Variants in SMARCA4 observed in about 807,000 individuals in gnomAD.
The protein encoded by SMARCA4 is SWI/SNF related BAF chromatin remodeling complex subunit ATPase 4.
A neutral mutation model predicts 193.9 loss-of-function variants in SMARCA4; 31 were observed. The ratio of observed to expected loss-of-function variants is 0.16; its 90% CI spans 0.12 to 0.22. The LOEUF is 0.22. Among genes scored for constraint, SMARCA4 ranks in the 10% least tolerant of loss-of-function variants. The probability of loss-of-function intolerance (pLI) is 1.00; values close to 1 mark genes in which losing one functional copy is unlikely to be tolerated. For synonymous variants in SMARCA4, 942 were observed against 933.1 expected (o/e 1.01, Z -0.17); for missense variants, 1,148 against 2,296.0 (o/e 0.50, Z 10.22).
At chr19:11,026,404 C>T (rs376220226) in intron 23 of SMARCA4, 58 bp downstream of exon 23, 13 of 1,368,768 alleles carry the variant, frequency 9.5e-6, no homozygotes, top group Non-Finnish European at 1.1e-5. Context: ...GGTTTTCTGT[C>T]GTTTTGTTGG....
intron 29 of SMARCA4, among the ~76,000 whole-genome samples, chr19:11,036,245 C>T (rs1007362346): frequency 1.3e-5 from 2 of 152,224 alleles, no homozygotes; most frequent in Admixed American, 1.3e-4. Flanking sequence ...ACCTGTGTGA[C>T]AGCAGAGCTG....
At chr19:10,962,444 A>C (rs1215525252) in intron 1 of SMARCA4, among the ~76,000 whole-genome samples, 1 of 152,084 alleles carries the variant, frequency 6.6e-6, no homozygotes, top group Non-Finnish European at 1.5e-5. Flanking sequence ...CTGAACCTGC[A>C]CTGTGAGAGG....
At chr19:11,053,384 G>A (rs988146256) in intron 30 of SMARCA4, among the ~76,000 whole-genome samples, 3 of 151,332 alleles carry the variant, frequency 2.0e-5, no homozygotes, top group Admixed American at 6.6e-5. Flanking sequence ...CTCGGGAGGC[G>A]GAGGTTTCAG....
chr19:11,060,120 G>A lies in SMARCA4; in HGVS notation c.4844G>A (p.Arg1615Gln), dbSNP rs1278313953. Residue 1615 changes from arginine (R) to glutamine (Q), a missense_variant, in exon 34 of 35, where the codon CGG becomes CAG. Physicochemically the swap from Arg to Gln is conservative, Grantham distance 43. Around this residue, in one of 17 missense-constraint regions of SMARCA4, gnomAD observed 105 missense variants for 133.7 expected, o/e 0.79. Coordinates refer to ENST00000344626, the MANE Select transcript of SMARCA4 (RefSeq NM_003072.5). ...GACCGGCTGAAGGGCGGCCGGCGGC[G>A]GCCGAGCCGAGGGTCCCGAGCCAAG... The part of the protein sequence containing the change: ...AQDRLKGGRR[R>Q]PSRGSRAKPV... 5 of 1,550,894 alleles carry A rather than the reference G, an allele frequency of 3.2e-6. No homozygotes were observed. The East Asian group carries it at 7.3e-5, about 23-fold the overall frequency.
In SMARCA4 at chr19:10,961,035, C is replaced by T. The variant is rs2083753455; in HGVS notation, c.-171C>T. The T allele has an allele frequency of 6.7e-6, 1 of 149,308 alleles. No individual in the cohort carries two copies. The highest frequency in any genetic ancestry group is 1.5e-5 in the Non-Finnish European group (1 of 66,724). 9.2% of individuals were successfully genotyped at this position (149,308 alleles called of 1,614,324 possible). A position where few individuals can be genotyped will look rare whatever the true frequency, so the allele number is the denominator to read the frequency against. On this transcript the variant is annotated 5_prime_UTR_variant, in exon 1 of 35. Transcript: ENST00000344626. ...GGGCGGTGGCCGAGGCGGGCGGGCG[C>T]GCGCGCGAGGCTTCCCCTCGTTTGG...
intron 1 of SMARCA4, among the ~76,000 whole-genome samples, chr19:10,979,608 C>A (rs945096164): frequency 4.6e-4 from 69 of 151,606 alleles, no homozygotes; most frequent in African/African-American, 1.6e-3. Flanking sequence ...CTCAAGCGAT[C>A]CTTCTGCCTT....
chr19:11,024,449 GA>G lies in SMARCA4; in HGVS notation c.3081+12del, dbSNP rs1193265789. On this transcript the variant is annotated intron_variant, in intron 21 of 34. Transcript: ENST00000344626. ...GAGAAGGACAAGAAGGTGGGCCCCA[GA>G]GTCCCCCAACTGCATTCCCCACTGG... 2.5e-6 allele frequency: 4 copies of G among 1,583,806 alleles called. No individual in the cohort carries two copies. The South Asian group carries it at 4.4e-5, about 17-fold the overall frequency.
chr19:11,045,032 G>T (rs946230786), intron 30 of SMARCA4, among the ~76,000 whole-genome samples: 2 of 152,176 alleles, frequency 1.3e-5, no homozygotes, highest in African/African-American at 2.4e-5. Flanking sequence ...ACTAAAAAGG[G>T]CATACTGGCC....
At position 11,001,670 on chromosome 19, in the gene SMARCA4, G is replaced by A. The variant is rs573978645; in HGVS notation, c.1813-1359G>A. Among the ~76,000 whole-genome samples the A allele has an allele frequency of 3.9e-5, 6 of 152,276 alleles. No individual in the cohort carries two copies. The East Asian group carries it at 7.7e-4, about 20-fold the overall frequency. On this transcript the variant is annotated intron_variant, in intron 11 of 34. Transcript: ENST00000344626. ...GTAAGAGGTTGCTCTTATGGTGGCC[G>A]CTCTGTGGGTGAGCTTTTAGCGCGT...
chr19:10,978,682 G>A (rs1273693576), intron 1 of SMARCA4, among the ~76,000 whole-genome samples: 6 of 148,142 alleles, frequency 4.1e-5, no homozygotes, highest in African/African-American at 7.4e-5. Context: ...GCTCGTGCCT[G>A]TAATCCCAGC....
intron 29 of SMARCA4, among the ~76,000 whole-genome samples, chr19:11,039,251 G>T (rs1471345305): frequency 6.6e-6 from 1 of 152,170 alleles, no homozygotes; most frequent in Non-Finnish European, 1.5e-5. Flanking sequence ...CTACTTGGGA[G>T]GCTGAGTCAG....
chr19:11,054,249 C>G (rs1330349006), intron 30 of SMARCA4, among the ~76,000 whole-genome samples: 2 of 152,244 alleles, frequency 1.3e-5, no homozygotes, highest in African/African-American at 2.4e-5. Flanking sequence ...CAGACACTTG[C>G]TTCCTGGTGT....
At position 10,997,447 on chromosome 19, in the gene SMARCA4, TC is replaced by T. The variant is rs149065722; in HGVS notation, c.1812+906del. ...TCTCCTGACCTCGTGAACATCGGCC[TC>T]CCAAAATGCTGGGATTACAGGCTTG... is the stretch of plus-strand genomic sequence containing the variant. On this transcript the variant is annotated intron_variant, in intron 11 of 34. Coordinates refer to ENST00000344626, the MANE Select transcript of SMARCA4 (RefSeq NM_003072.5). Among the ~76,000 whole-genome samples, 4,635 of 152,134 alleles carry T rather than the reference TC, an allele frequency of 0.03. 314 individuals carry two copies. The East Asian group carries it at 0.31, about 10-fold the overall frequency.
intron 1 of SMARCA4, among the ~76,000 whole-genome samples, chr19:10,967,726 C>T (rs1277663945): frequency 6.7e-6 from 1 of 149,050 alleles, no homozygotes; most frequent in Non-Finnish European, 1.5e-5. Context: ...CTCTTTTCTC[C>T]CAGGCTGGAG....
chr19:11,035,178 C>T (rs2146706937), intron 29 of SMARCA4, 46 bp downstream of exon 29: 1 of 1,557,034 alleles, frequency 6.4e-7, no homozygotes, highest in South Asian at 1.2e-5. Context: ...CAGCGCCAGG[C>T]AGGGCTGGGG....
chr19:10,996,147 G>T, intron 9 of SMARCA4, 66 bp from the exon 10 acceptor site: 1 of 1,556,312 alleles, frequency 6.4e-7, no homozygotes, highest in Non-Finnish European at 8.9e-7. Context: ...TGGATTGACT[G>T]GCCATGGGTG....
At position 11,061,817 on chromosome 19, in the gene SMARCA4, G is replaced by A. The variant is rs76118382; in HGVS notation, c.*1G>A. 6 of 1,614,008 alleles carry A rather than the reference G, an allele frequency of 3.7e-6. No individual in the cohort carries two copies. Among genetic ancestry groups the A allele is most frequent in the Non-Finnish European group, 5.1e-6 (6 of 1,179,970 alleles). On this transcript the variant is annotated 3_prime_UTR_variant, in exon 35 of 35. Transcript: ENST00000344626. ...AGGAAGTGGCAGCGAAGAAGACTGA[G>A]CCCCGACATTCCAGTCTCGACCCCG...
intron 30 of SMARCA4, among the ~76,000 whole-genome samples, chr19:11,052,717 G>A (rs974592218): frequency 6.6e-6 from 1 of 152,192 alleles, no homozygotes; most frequent in Non-Finnish European, 1.5e-5. Context: ...AGAAAAGAGC[G>A]AACGCCCCTC....
In SMARCA4 at chr19:11,030,920, A is replaced by G; in HGVS notation, c.3546+27A>G. ...TAAAAGCGGGCCGGGCCCCAGGTCG[A>G]GGAGAAGGAAGGGGGTGCCTGCAAA... On this transcript the variant is annotated intron_variant, in intron 25 of 34. Transcript: ENST00000344626. This position sits in a 1 kb window ranked among gnomAD's most constrained non-coding sequence, Gnocchi z 5.5. 6.2e-7 allele frequency: 1 copy of G among 1,600,696 alleles called. No homozygotes were observed. The highest frequency in any genetic ancestry group is 1.1e-5 in the South Asian group (1 of 89,310).
Sources: gnomAD v4.1 joint callset for allele counts (sites outside exome capture counted in the v4.1 genomes callset) on GRCh38, gnomAD v4.1.1 for gene constraint, gnomAD v4.1.1 regional missense constraint, Gnocchi (gnomAD v3.1) non-coding constraint, MANE v1.5 for transcripts, NCBI Gene and HGNC (gene_info 2026-07-23, HGNC 2026-07-21) for gene names.